Variants in RNF20 observed in about 807,000 individuals in gnomAD.
The protein encoded by RNF20 is ring finger protein 20, also known as E3 ubiquitin-protein ligase BRE1A.
In RNF20, 84 loss-of-function variants were observed where a neutral mutation model predicts 126.2. That is an observed-to-expected ratio of 0.67 (90% CI 0.56 to 0.80). The LOEUF (loss-of-function observed/expected upper bound fraction) is 0.80. RNF20 is among the 30% of genes least tolerant of loss of function. The pLI, the probability that RNF20 is intolerant of heterozygous loss-of-function variation, is 0.00. For missense variants in RNF20, 869 were observed against 1,188.2 expected (o/e 0.73, Z 3.95); for synonymous variants, 400 against 414.3 (o/e 0.97, Z 0.42).
At chr9:101,536,359 A>G (rs1588215260) in intron 2 of RNF20, among the ~76,000 whole-genome samples, 1 of 152,220 alleles carries the variant, frequency 6.6e-6, no homozygotes, top group Non-Finnish European at 1.5e-5. Flanking sequence ...AAAATGCTTT[A>G]CATTTGTATG....
At chr9:101,561,583 T>G in intron 18 of RNF20, 1 of 403,032 alleles carries the variant, frequency 2.5e-6, no homozygotes, top group South Asian at 2.9e-5. Flanking sequence ...TCCGTAAGTC[T>G]CTGAATTATT....
chr9:101,542,612 C>CTCCTT (rs1349674679), intron 5 of RNF20, among the ~76,000 whole-genome samples: 2 of 152,136 alleles, frequency 1.3e-5, no homozygotes, highest in Non-Finnish European at 2.9e-5. Flanking sequence ...ATGCTTCTTT[C>CTCCTT]TCCTTGGGCT....
intron 19 of RNF20, 82 bp downstream of exon 19, chr9:101,562,093 G>A: frequency 1.5e-6 from 2 of 1,306,100 alleles, no homozygotes; most frequent in Admixed American, 2.1e-5. Flanking sequence ...TTGCATGATA[G>A]TAACCAGAGA....
chr9:101,555,386 T>C (rs1213681449), intron 15 of RNF20, among the ~76,000 whole-genome samples: 1 of 152,032 alleles, frequency 6.6e-6, no homozygotes, highest in Non-Finnish European at 1.5e-5. Flanking sequence ...CTATGGCTAT[T>C]TTGGGGTCAT....
rs745823692 is a variant in RNF20, at chr9:101,554,804, G to A, written c.2130G>A (p.Gln710=). ...ALRKIRAVEE[Q]IEYLQKKLAM... is the part of the protein sequence containing the mutation. ...GGAAGATCCGGGCAGTGGAGGAGCAGATAGAATACCTACAGAAGAAGCTAG... is the reference window on the plus strand; with the variant it reads ...GGAAGATCCGGGCAGTGGAGGAGCAAATAGAATACCTACAGAAGAAGCTAG... The change falls in exon 15 of 20, where the codon CAG becomes CAA. Residue 710 remains glutamine, a synonymous_variant. Coordinates refer to ENST00000389120, the MANE Select transcript of RNF20 (RefSeq NM_019592.7). 19 of 1,532,212 alleles carry A rather than the reference G, an allele frequency of 1.2e-5. No individual in the cohort carries two copies. The highest frequency in any genetic ancestry group is 1.7e-5 in the Non-Finnish European group (19 of 1,132,386). The allele number at this position is 1,532,212 out of a possible 1,614,324, so 94.9% of individuals were successfully genotyped here. A position where few individuals can be genotyped will look rare whatever the true frequency, so the allele number is the denominator to read the frequency against.
intron 5 of RNF20, 135 bp downstream of exon 5, chr9:101,541,110 A>G: frequency 1.2e-5 from 7 of 604,652 alleles, no homozygotes; most frequent in Non-Finnish European, 1.8e-5. Flanking sequence ...ATAAGGTTTC[A>G]CTGTGTCACC....
intron 16 of RNF20, among the ~76,000 whole-genome samples, chr9:101,560,524 T>A (rs548568311): frequency 6.6e-6 from 1 of 152,312 alleles, no homozygotes; most frequent in East Asian, 1.9e-4. Context: ...TTGCCAGGTT[T>A]TAAGCATTAG....
At position 101,561,168 on chromosome 9, in the gene RNF20, G is replaced by A; in HGVS notation, c.2587G>A (p.Asp863Asn). 1 of 1,613,942 alleles carries A rather than the reference G, an allele frequency of 6.2e-7. No individual in the cohort carries two copies. Among genetic ancestry groups the A allele is most frequent in the Non-Finnish European group, 8.5e-7 (1 of 1,179,842 alleles). Residue 863 changes from aspartate (D) to asparagine (N), a missense_variant, in exon 18 of 20, where the codon GAT becomes AAT. Physicochemically the swap from Asp to Asn is conservative, Grantham distance 23 (BLOSUM62 1). Transcript: ENST00000389120. ...LAQKKLHDFQ[D>N]EIVENSVTKE... ...TCAGAAGAAGCTACATGATTTTCAGGATGAGATCGTGGAGAACAGTGTTAC... is the reference window on the plus strand; with the variant it reads ...TCAGAAGAAGCTACATGATTTTCAGAATGAGATCGTGGAGAACAGTGTTAC...
rs1827365458 is a variant in RNF20, at chr9:101,547,222, C to T, written c.972+8C>T. 1.2e-6 allele frequency: 2 copies of T among 1,613,714 alleles called. No homozygotes were observed. The highest frequency in any genetic ancestry group is 1.7e-6 in the Non-Finnish European group (2 of 1,179,740). The stretch of plus-strand genomic sequence containing the variant: ...ACTATCAATGCTCGGAAGGTAAAAT[C>T]AGTGACTCAGGACATGTTTTGGACT... On this transcript the variant is annotated splice_region_variant and intron_variant, in intron 8 of 19. Transcript: ENST00000389120.
At chr9:101,554,210 A>T (rs1017788244) in intron 14 of RNF20, 105 bp downstream of exon 14, 1 of 643,002 alleles carries the variant, frequency 1.6e-6, no homozygotes, top group Non-Finnish European at 2.7e-6. Context: ...CTTTAAAATA[A>T]GTGTTTAAGT....
intron 12 of RNF20, 25 bp from the exon 13 acceptor site, chr9:101,552,358 A>G (rs896060173): frequency 3.7e-6 from 6 of 1,607,404 alleles, no homozygotes; most frequent in Non-Finnish European, 5.1e-6. Context: ...AGAGATGTGC[A>G]TCTTTCTTTT....
chr9:101,554,879 G>A lies in RNF20; in HGVS notation c.2169+36G>A, dbSNP rs372784521. ...TTTCTTTATTTAATTGACTTTTTGA[G>A]TAAATGTTACTTGACAATAAGTTAT... is the stretch of plus-strand genomic sequence containing the variant. On this transcript the variant is annotated intron_variant, in intron 15 of 19. Coordinates refer to ENST00000389120, the MANE Select transcript of RNF20 (RefSeq NM_019592.7). 5 of 1,370,366 alleles carry A rather than the reference G, an allele frequency of 3.6e-6. No individual in the cohort carries two copies. In the African/African-American group the frequency reaches 4.5e-5, roughly 12 times the overall value. The allele number at this position is 1,370,366 out of a possible 1,614,324, so 84.9% of individuals were successfully genotyped here.
At position 101,535,563 on chromosome 9, in the gene RNF20, A is replaced by G; in HGVS notation, c.129+11A>G. 1.2e-6 allele frequency: 2 copies of G among 1,602,818 alleles called. No individual in the cohort carries two copies. The highest frequency in any genetic ancestry group is 1.7e-6 in the Non-Finnish European group (2 of 1,175,498). On this transcript the variant is annotated intron_variant, in intron 2 of 19. Coordinates refer to ENST00000389120, the MANE Select transcript of RNF20 (RefSeq NM_019592.7). ...GGTGTCTCTTCAACGGTATGAGGAA[A>G]CAGTGCCATGAAAGTGTGCTTGTCT... is the stretch of plus-strand genomic sequence containing the variant.
chr9:101,542,806 A>G (rs1206601091), intron 5 of RNF20, among the ~76,000 whole-genome samples: 1 of 152,238 alleles, frequency 6.6e-6, no homozygotes, highest in Non-Finnish European at 1.5e-5. Context: ...AATGGCATGC[A>G]TTTTAAGGTC....
intron 16 of RNF20, 26 bp from the exon 17 acceptor site, chr9:101,560,775 G>A (rs1457339079): frequency 6.3e-7 from 1 of 1,584,236 alleles, no homozygotes; most frequent in South Asian, 1.2e-5. Flanking sequence ...TTTCATTTGT[G>A]TTAAAATCTG....
intron 13 of RNF20, 152 bp from the exon 14 acceptor site, chr9:101,553,836 T>C (rs1827487177): frequency 4.2e-6 from 2 of 480,604 alleles, no homozygotes; most frequent in Admixed American, 3.6e-5. Flanking sequence ...AAAAGTCTTT[T>C]GATAGTCTGT....
At chr9:101,536,605 A>G (rs2118666520) in intron 2 of RNF20, among the ~76,000 whole-genome samples, 1 of 152,306 alleles carries the variant, frequency 6.6e-6, no homozygotes, top group South Asian at 2.1e-4. Flanking sequence ...TCAATATATA[A>G]ATATTTGTTG....
chr9:101,557,362 A>G (rs753526531), intron 15 of RNF20, 22 bp from the exon 16 acceptor site: 4 of 1,576,156 alleles, frequency 2.5e-6, no homozygotes, highest in Admixed American at 1.7e-5. Context: ...TCTAAAATCA[A>G]ATCTCTTCCT....
At position 101,547,555 on chromosome 9, in the gene RNF20, G is replaced by A. The variant is rs748937355; in HGVS notation, c.1092+37G>A. 54 of 1,611,728 alleles carry A rather than the reference G, an allele frequency of 3.4e-5. 1 individual carries two copies. Among genetic ancestry groups the A allele is most frequent in the South Asian group, 7.7e-5 (7 of 90,866 alleles). ...TCCCTGAAGGGCAGTAAAATCAGACGTTCTGCTGATCAACTCACGTATATA... is the reference window on the plus strand; with the variant it reads ...TCCCTGAAGGGCAGTAAAATCAGACATTCTGCTGATCAACTCACGTATATA... On this transcript the variant is annotated intron_variant, in intron 9 of 19. Coordinates refer to ENST00000389120, the MANE Select transcript of RNF20 (RefSeq NM_019592.7).
Sources: gnomAD v4.1 joint callset for allele counts (sites outside exome capture counted in the v4.1 genomes callset) on GRCh38, gnomAD v4.1.1 for gene constraint, MANE v1.5 for transcripts, NCBI Gene and HGNC (gene_info 2026-07-23, HGNC 2026-07-21) for gene names.